Variants in C11orf65 observed in about 807,000 individuals in gnomAD.
C11orf65 encodes protein MFI.
Under a neutral mutation model 35.3 loss-of-function variants are expected in C11orf65, and 38 were observed. That is an observed-to-expected ratio of 1.08 (90% CI 0.83 to 1.41). The LOEUF is 1.41. C11orf65 is among the 40% of genes most tolerant of loss of function. The pLI, the probability that C11orf65 is intolerant of heterozygous loss-of-function variation, is 0.00. For missense variants in C11orf65, 370 were observed against 367.1 expected (o/e 1.01, Z -0.06); for synonymous variants, 105 against 114.4 (o/e 0.92, Z 0.53).
At chr11:108,440,460 C>T (rs1363657001) in intron 2 of C11orf65, among the ~76,000 whole-genome samples, 1 of 152,184 alleles carries the variant, frequency 6.6e-6, no homozygotes, top group Non-Finnish European at 1.5e-5. Context: ...GACCTGCATT[C>T]TAGCTGTCAG....
chr11:108,461,545 C>T lies in C11orf65; in HGVS notation c.15G>A (p.Glu5=), dbSNP rs746254794. 6.2e-7 allele frequency: 1 copy of T among 1,608,004 alleles called. No individual in the cohort carries two copies. The highest frequency in any genetic ancestry group is 8.5e-7 in the Non-Finnish European group (1 of 1,176,766). Residue 5 remains glutamate, a synonymous_variant, in exon 2 of 9, where the codon GAG becomes GAA. Coordinates refer to ENST00000393084, the MANE Select transcript of C11orf65 (RefSeq NM_152587.5). ...TATCCTGCTTTGTAAATTCTGATTC[C>T]TCTTTCCAAGGCATTTGAAATTCCT... MPWK[E]ESEFTKQDKA...
At chr11:108,379,156 T>C (rs1455489658), downstream of C11orf65, among the ~76,000 whole-genome samples, 3 of 152,138 alleles carry the variant, frequency 2.0e-5, no homozygotes, top group African/African-American at 7.2e-5. Context: ...TAAATCATGC[T>C]GCTATAAAGA....
intron 7 of C11orf65, among the ~76,000 whole-genome samples, chr11:108,387,084 A>G (rs1295567389): frequency 6.8e-6 from 1 of 146,764 alleles, no homozygotes; most frequent in East Asian, 2.0e-4. Context: ...CTCAAAAAAG[A>G]AAAAAAAAAA....
chr11:108,322,923 G>C (rs1417429878), intron 6 of C11orf65, among the ~76,000 whole-genome samples: 1 of 151,570 alleles, frequency 6.6e-6, no homozygotes, highest in Non-Finnish European at 1.5e-5. Flanking sequence ...GGGCAGCCTT[G>C]AGTCTGGCAG....
At chr11:108,456,867 T>A (rs191095830) in intron 2 of C11orf65, among the ~76,000 whole-genome samples, 27 of 152,192 alleles carry the variant, frequency 1.8e-4, no homozygotes, top group African/African-American at 6.5e-4. Context: ...AAGACTTCTT[T>A]TCATTAAGAA....
chr11:108,316,097 A>G (rs1591779456), intron 6 of C11orf65: 1 of 1,614,138 alleles, frequency 6.2e-7, no homozygotes, highest in Non-Finnish European at 8.5e-7. Flanking sequence ...TCAACACGCC[A>G]GGCAGGAATC....
chr11:108,391,124 C>T (rs1257233844), intron 7 of C11orf65, among the ~76,000 whole-genome samples: 1 of 151,870 alleles, frequency 6.6e-6, no homozygotes, highest in African/African-American at 2.4e-5. Context: ...ATTTTTCCTA[C>T]CCCATTTTCT....
chr11:108,427,307 T>C (rs1164790221), intron 3 of C11orf65, among the ~76,000 whole-genome samples: 1 of 143,436 alleles, frequency 7.0e-6, no homozygotes, highest in Non-Finnish European at 1.5e-5. Context: ...AGGGCTAATA[T>C]CCAGAATCTA....
At chr11:108,458,352 T>C (rs1219731554) in intron 2 of C11orf65, among the ~76,000 whole-genome samples, 1 of 100,908 alleles carries the variant, frequency 9.9e-6, no homozygotes, top group East Asian at 2.6e-4. Flanking sequence ...CAAGACTCTG[T>C]CTCAAAAAAA....
chr11:108,365,171 T>G lies in C11orf65; in HGVS notation c.226+28037A>C, dbSNP rs576335919. 6.2e-6 allele frequency: 10 copies of G among 1,614,108 alleles called. No individual in the cohort carries two copies. In the African/African-American group the frequency reaches 6.7e-5, roughly 11 times the overall value. On this transcript the variant is annotated intron_variant, in intron 2 of 3. Transcript: ENST00000524755. The stretch of plus-strand genomic sequence containing the variant: ...AGAGGCCGGAAGATGAAACTGAGCT[T>G]CACCCTACTCTGAATGCAGATGACC...
intron 3 of C11orf65, chr11:108,331,686 C>T: frequency 2.2e-6 from 3 of 1,348,228 alleles, no homozygotes; most frequent in African/African-American, 1.5e-5. Flanking sequence ...TGTCTTCTCA[C>T]ATCACATAAG....
At chr11:108,409,005 T>C (rs1417322365) in intron 3 of C11orf65, among the ~76,000 whole-genome samples, 1 of 152,154 alleles carries the variant, frequency 6.6e-6, no homozygotes, top group Non-Finnish European at 1.5e-5. Flanking sequence ...TTTTCTATAT[T>C]TGAGCCATAA....
chr11:108,465,935 A>C (rs1238058206), intron 1 of C11orf65, among the ~76,000 whole-genome samples: 2 of 150,592 alleles, frequency 1.3e-5, no homozygotes, highest in Non-Finnish European at 3.0e-5. Flanking sequence ...CGGTGAGTCG[A>C]GATCATGCCA....
rs1412801451 is a variant in C11orf65 at position 108,386,695 on chromosome 11, C to T, written c.732-720G>A. On this transcript the variant is annotated intron_variant, in intron 7 of 8. Transcript: ENST00000393084. The stretch of plus-strand genomic sequence containing the variant: ...ATCCCACTTTCCTAAGGTGCCTTTA[C>T]AACTGCACCCACTTTAATCAAAAAA... Among the ~76,000 whole-genome samples the T allele has an allele frequency of 2.0e-5, 3 of 152,136 alleles. No homozygotes were observed. The East Asian group carries it at 5.8e-4, about 29-fold the overall frequency.
downstream of C11orf65, chr11:108,330,315 A>T (rs878853544): frequency 6.2e-7 from 1 of 1,614,108 alleles, no homozygotes; most frequent in Non-Finnish European, 8.5e-7. Flanking sequence ...GTTGAAAATT[A>T]TATCAACTGC....
intron 6 of C11orf65, chr11:108,312,557 T>C: frequency 8.1e-7 from 1 of 1,235,422 alleles, no homozygotes; most frequent in Non-Finnish European, 1.2e-6. Context: ...TGGGTTATTT[T>C]GTTATAGACA....
chr11:108,360,728 C>CT (rs1234697345), intron 2 of C11orf65, among the ~76,000 whole-genome samples: 5 of 139,742 alleles, frequency 3.6e-5, no homozygotes, highest in Non-Finnish European at 7.7e-5. Flanking sequence ...CAGAAAAAGC[C>CT]TTTGACAAAA....
intron 6 of C11orf65, among the ~76,000 whole-genome samples, chr11:108,324,796 C>T (rs4988101): frequency 0.031 from 4,724 of 152,212 alleles, 235 homozygotes; most frequent in African/African-American, 0.1. Flanking sequence ...CTTTTCTGTT[C>T]CTTTAATAAT....
chr11:108,408,639 G>A (rs2092591232), intron 3 of C11orf65, among the ~76,000 whole-genome samples: 1 of 127,252 alleles, frequency 7.9e-6, no homozygotes, highest in Admixed American at 7.9e-5. Flanking sequence ...TTGCACCACT[G>A]CACTCCAGCC....
Sources: gnomAD v4.1 joint callset for allele counts (sites outside exome capture counted in the v4.1 genomes callset) on GRCh38, gnomAD v4.1.1 for gene constraint, MANE v1.5 for transcripts, NCBI Gene and HGNC (gene_info 2026-07-23, HGNC 2026-07-21) for gene names.